VPS50: variants seen among roughly 807,000 people sequenced by gnomAD.
VPS50 encodes the protein syndetin.
A neutral mutation model predicts 139.7 loss-of-function variants in VPS50; 70 were observed. The observed-to-expected ratio is 0.50, with a 90% CI of 0.41 to 0.61. The LOEUF is 0.61. Ranked by LOEUF, VPS50 falls within the 20% of genes least tolerant of loss-of-function variation. The pLI is 0.00. For missense variants in VPS50, 921 were observed against 1,133.7 expected (o/e 0.81, Z 2.69); for synonymous variants, 365 against 376.7 (o/e 0.97, Z 0.36).
At chr7:93,256,459 G>T (rs371486997) in intron 4 of VPS50, 50 bp from the exon 5 acceptor site, 9 of 846,316 alleles carry the variant, frequency 1.1e-5, no homozygotes, top group South Asian at 1.9e-5. Flanking sequence ...ATCATAGAAA[G>T]CATGAAGTTT....
chr7:93,268,739 T>C (rs1795917312), intron 9 of VPS50, among the ~76,000 whole-genome samples: 1 of 152,192 alleles, frequency 6.6e-6, no homozygotes, highest in African/African-American at 2.4e-5. Flanking sequence ...GATGGGCATT[T>C]GGGTTGACTC....
At chr7:93,257,825 GAC>G (rs2116837180) in intron 6 of VPS50, 1 of 241,924 alleles carries the variant, frequency 4.1e-6, no homozygotes, top group African/African-American at 2.2e-5. Flanking sequence ...AAGAAGGAAA[GAC>G]ATAATACAGT....
intron 9 of VPS50, among the ~76,000 whole-genome samples, chr7:93,260,300 A>G (rs1442278428): frequency 2.0e-5 from 3 of 152,148 alleles, no homozygotes; most frequent in East Asian, 3.9e-4. Flanking sequence ...GTAATTTCCA[A>G]CATTCCTCTA....
At chr7:93,342,973 G>A (rs1218835376) in intron 23 of VPS50, among the ~76,000 whole-genome samples, 3 of 152,244 alleles carry the variant, frequency 2.0e-5, no homozygotes, top group Non-Finnish European at 4.4e-5. Context: ...ACGGAACAAA[G>A]CTGGACGGAG....
chr7:93,245,362 T>C (rs2116795409), intron 2 of VPS50, among the ~76,000 whole-genome samples: 1 of 151,988 alleles, frequency 6.6e-6, no homozygotes, highest in Admixed American at 6.6e-5. Flanking sequence ...TGGAAGAACC[T>C]GTGAAAGGCA....
chr7:93,293,802 C>T (rs546953240), intron 13 of VPS50, among the ~76,000 whole-genome samples: 1 of 152,056 alleles, frequency 6.6e-6, no homozygotes, highest in Non-Finnish European at 1.5e-5. Flanking sequence ...ATAAGGCTTA[C>T]GTTTTAGGAG....
At chr7:93,234,858 T>C (rs975989561) in intron 1 of VPS50, among the ~76,000 whole-genome samples, 18 of 152,170 alleles carry the variant, frequency 1.2e-4, no homozygotes, top group Admixed American at 3.9e-4. Context: ...TTCTTCATCT[T>C]TCTCCATCAT....
At chr7:93,237,897 A>G (rs1031183092) in intron 1 of VPS50, among the ~76,000 whole-genome samples, 4 of 151,610 alleles carry the variant, frequency 2.6e-5, no homozygotes, top group Non-Finnish European at 5.9e-5. Context: ...CTCTCCTCCT[A>G]CCCTCTACCC....
At position 93,348,815 on chromosome 7, in the gene VPS50, A is replaced by C; in HGVS notation, c.2304+8A>C. On this transcript the variant is annotated splice_region_variant and intron_variant, in intron 24 of 27. Transcript: ENST00000305866. ...CAGCAGTTCTATTCTCAGGTCAGAC[A>C]TGGTCTTGTATGTCATTTCAACTGT... 6.6e-7 allele frequency: 1 copy of C among 1,520,194 alleles called. No homozygotes were observed. 94.2% of individuals were successfully genotyped at this position (1,520,194 alleles called of 1,614,324 possible).
At position 93,258,293 on chromosome 7, in the gene VPS50, T is replaced by TA. The variant is rs762995862; in HGVS notation, c.540+24dup. The stretch of plus-strand genomic sequence containing the variant: ...AAAACATTGGTATATATGGGTCATT[T>TA]AAAAAAATTAAAACTGAATTTTGTG... On this transcript the variant is annotated intron_variant, in intron 7 of 27. Transcript: ENST00000305866. The TA allele has an allele frequency of 1.9e-6, 3 of 1,582,702 alleles. No homozygotes were observed. The highest frequency in any genetic ancestry group is 2.6e-6 in the Non-Finnish European group (3 of 1,152,318).
Position 93,303,569 on chromosome 7 carries a change from C to T in VPS50, c.1452+19C>T. The T allele has an allele frequency of 8.5e-7, 1 of 1,170,258 alleles. No individual in the cohort carries two copies. The highest frequency in any genetic ancestry group is 1.2e-6 in the Non-Finnish European group (1 of 801,744). 72.5% of individuals were successfully genotyped at this position (1,170,258 alleles called of 1,614,324 possible). A position where few individuals can be genotyped will look rare whatever the true frequency, so the allele number is the denominator to read the frequency against. ...ACTTCATGTAAGTGTTTCTTAAGAA[C>T]AAAGAAATCTGTCTTTTAGTAATGT... On this transcript the variant is annotated intron_variant, in intron 17 of 27. Coordinates refer to ENST00000305866, the MANE Select transcript of VPS50 (RefSeq NM_017667.4).
intron 12 of VPS50, among the ~76,000 whole-genome samples, chr7:93,286,053 C>A (rs3802060): frequency 0.14 from 22,008 of 151,790 alleles, 2,567 homozygotes; most frequent in East Asian, 0.39. Flanking sequence ...AGATTATATG[C>A]CTATTTTATC....
At chr7:93,339,697 G>A (rs1798160878) in intron 22 of VPS50, among the ~76,000 whole-genome samples, 1 of 152,110 alleles carries the variant, frequency 6.6e-6, no homozygotes, top group African/African-American at 2.4e-5. Context: ...CATACTGAAA[G>A]TAGTACATAA....
chr7:93,272,153 A>G (rs2116883499), intron 10 of VPS50, among the ~76,000 whole-genome samples: 1 of 151,996 alleles, frequency 6.6e-6, no homozygotes, highest in East Asian at 1.9e-4. Flanking sequence ...AAAGAAATCC[A>G]TAAAGCATGG....
chr7:93,352,882 A>G (rs999121530), intron 25 of VPS50, among the ~76,000 whole-genome samples: 1 of 152,170 alleles, frequency 6.6e-6, no homozygotes, highest in African/African-American at 2.4e-5. Context: ...CAGCTAGAGT[A>G]TGATTTTTTA....
chr7:93,295,740 A>G (rs1238435153), intron 14 of VPS50, among the ~76,000 whole-genome samples: 2 of 151,234 alleles, frequency 1.3e-5, no homozygotes, highest in African/African-American at 2.4e-5. Flanking sequence ...TGATTGATTG[A>G]TTGAGACAGG....
At chr7:93,350,933 A>T (rs1228573216) in intron 25 of VPS50, among the ~76,000 whole-genome samples, 1 of 152,214 alleles carries the variant, frequency 6.6e-6, no homozygotes, top group Non-Finnish European at 1.5e-5. Context: ...TCCTTACTTT[A>T]ATCTCATTTA....
chr7:93,239,625 T>C (rs1794918979), intron 1 of VPS50, among the ~76,000 whole-genome samples: 1 of 152,164 alleles, frequency 6.6e-6, no homozygotes, highest in Non-Finnish European at 1.5e-5. Flanking sequence ...CTTCTACCAT[T>C]AGTTGTGAAG....
chr7:93,300,525 GA>G (rs1431025223), intron 16 of VPS50, among the ~76,000 whole-genome samples: 1 of 152,106 alleles, frequency 6.6e-6, no homozygotes, highest in Non-Finnish European at 1.5e-5. Flanking sequence ...TTTATTATAG[GA>G]GAGCCAGAGT....
Sources: gnomAD v4.1 joint callset for allele counts (sites outside exome capture counted in the v4.1 genomes callset) on GRCh38, gnomAD v4.1.1 for gene constraint, MANE v1.5 for transcripts, NCBI Gene and HGNC (gene_info 2026-07-23, HGNC 2026-07-21) for gene names.